ZNF257: variants seen among roughly 807,000 people sequenced by gnomAD.
ZNF257 encodes the protein zinc finger protein 257.
ZNF257 carries 12 observed loss-of-function variants against 11.9 expected under a neutral mutation model. The observed-to-expected ratio is 1.01, with a 90% CI of 0.65 to 1.63. The LOEUF (loss-of-function observed/expected upper bound fraction) is 1.63. Among genes scored for constraint, ZNF257 ranks in the 40% most tolerant of loss-of-function variants. ZNF257 has a pLI of 0.00. For synonymous variants in ZNF257, 183 were observed against 222.7 expected (o/e 0.82, Z 1.59); for missense variants, 580 against 665.5 (o/e 0.87, Z 1.41).
chr19:22,060,246 G>T (rs8108877), intron 1 of ZNF257, among the ~76,000 whole-genome samples: 3,656 of 152,214 alleles, frequency 0.024, 134 homozygotes, highest in African/African-American at 0.084. Context: ...TTTCACAATG[G>T]TTGAACTAAT....
chr19:22,059,998 G>A lies in ZNF257; in HGVS notation c.3+7363G>A, dbSNP rs578085763. On this transcript the variant is annotated intron_variant, in intron 1 of 3. Coordinates refer to ENST00000594947, the MANE Select transcript of ZNF257 (RefSeq NM_033468.4). ...ACCAGCTTTGGCCTCCCAAAGTGTT[G>A]GATTAGAGGCATGAGTCACCATACT... Among the ~76,000 whole-genome samples, 3 of 152,220 alleles carry A rather than the reference G, an allele frequency of 2.0e-5. No individual in the cohort carries two copies. The South Asian group carries it at 6.2e-4, about 32-fold the overall frequency.
chr19:22,076,259 C>CTA (rs946789819), intron 3 of ZNF257, among the ~76,000 whole-genome samples: 13 of 149,186 alleles, frequency 8.7e-5, no homozygotes, highest in African/African-American at 2.7e-4. Context: ...CCATATTCTG[C>CTA]TATATATATA....
chr19:22,065,768 A>G (rs1254821935), intron 1 of ZNF257: 4 of 152,172 alleles, frequency 2.6e-5, no homozygotes, highest in Non-Finnish European at 4.4e-5. Flanking sequence ...TTAGTTAACT[A>G]TGTTGCAAGC....
intron 3 of ZNF257, among the ~76,000 whole-genome samples, chr19:22,074,802 C>T (rs554842396): frequency 8.6e-5 from 13 of 151,404 alleles, no homozygotes; most frequent in South Asian, 8.3e-4. Context: ...GGTTTTAATG[C>T]GCTGCTTATG....
Position 22,052,509 on chromosome 19 carries a change from C to A in ZNF257, c.-124C>A. ...ACTTTGTCTCTCGCTCTAGCCCGAG[C>A]TGCAGGTCTCGTCTTCCCTGGTCTG... On this transcript the variant is annotated 5_prime_UTR_variant, in exon 1 of 4. The change creates a new upstream start codon in the 5' untranslated region. Transcript: ENST00000594947. 1 of 1,158,970 alleles carries A rather than the reference C, an allele frequency of 8.6e-7. No homozygotes were observed. Among genetic ancestry groups the A allele is most frequent in the Non-Finnish European group, 1.3e-6 (1 of 792,456 alleles). 71.8% of individuals were successfully genotyped at this position (1,158,970 alleles called of 1,614,324 possible).
chr19:22,052,499 C>T lies in ZNF257; in HGVS notation c.-134C>T. 9.4e-7 allele frequency: 1 copy of T among 1,066,994 alleles called. No homozygotes were observed. 66.1% of individuals were successfully genotyped at this position (1,066,994 alleles called of 1,614,324 possible). A position where few individuals can be genotyped will look rare whatever the true frequency, so the allele number is the denominator to read the frequency against. ...TTTGGCGGGTACTTTGTCTCTCGCT[C>T]TAGCCCGAGCTGCAGGTCTCGTCTT... On this transcript the variant is annotated 5_prime_UTR_variant, in exon 1 of 4. Coordinates refer to ENST00000594947, the MANE Select transcript of ZNF257 (RefSeq NM_033468.4).
intron 3 of ZNF257, among the ~76,000 whole-genome samples, chr19:22,085,735 A>G (rs2022463090): frequency 6.6e-6 from 1 of 151,914 alleles, no homozygotes; most frequent in African/African-American, 2.4e-5. Context: ...AGTATATACA[A>G]ATTTTTCATA....
In ZNF257 at chr19:22,067,885, C is replaced by CA. The variant is rs1568483263; in HGVS notation, c.4-4924_4-4923insA. On this transcript the variant is annotated intron_variant, in intron 1 of 3. Coordinates refer to ENST00000594947, the MANE Select transcript of ZNF257 (RefSeq NM_033468.4). The stretch of plus-strand genomic sequence containing the variant: ...TGAGAAACACAATTATGTCTCCCCC[C>CA]CGCTTGAGCTATGTATTCATCTCCT... 2.0e-5 allele frequency among the ~76,000 whole-genome samples: 3 copies of CA among 150,864 alleles called. No individual in the cohort carries two copies. The East Asian group carries it at 6.2e-4, about 31-fold the overall frequency.
chr19:22,056,945 A>G (rs924463387), intron 1 of ZNF257, among the ~76,000 whole-genome samples: 8 of 152,166 alleles, frequency 5.3e-5, no homozygotes, highest in Non-Finnish European at 1.0e-4. Context: ...TAGATAATTG[A>G]TGAGTTACAT....
intron 1 of ZNF257, chr19:22,060,486 CT>C (rs61396561): frequency 0.22 from 29,391 of 135,872 alleles, 3,624 homozygotes; most frequent in African/African-American, 0.35. Flanking sequence ...CCTACTTTTT[CT>C]TTTTTTTTTT....
chr19:22,058,410 A>T (rs1029790616), intron 1 of ZNF257, among the ~76,000 whole-genome samples: 6 of 151,922 alleles, frequency 3.9e-5, no homozygotes, highest in Non-Finnish European at 7.4e-5. Context: ...AGGTTATGGG[A>T]GTCCTTGATT....
chr19:22,072,716 C>G, intron 1 of ZNF257, 93 bp from the exon 2 acceptor site: 3 of 1,447,394 alleles, frequency 2.1e-6, no homozygotes, highest in Non-Finnish European at 2.8e-6. Flanking sequence ...AACCTGTTCT[C>G]TCTGCTCTTT....
In ZNF257 at chr19:22,088,296, T is replaced by C. The variant is rs1412303202; in HGVS notation, c.546T>C (p.Phe182=). 1 of 1,613,782 alleles carries C rather than the reference T, an allele frequency of 6.2e-7. No homozygotes were observed. Among genetic ancestry groups the C allele is most frequent in the Admixed American group, 1.7e-5 (1 of 59,992 alleles). Residue 182 remains phenylalanine (F), a synonymous_variant, in exon 4 of 4, where the codon TTT becomes TTC. Transcript: ENST00000594947. ...AATGTAAAGAATGTGGCAAATCATT[T>C]TGCATGCTTTCACAACTAACTCGAC... The part of the protein sequence containing the change: ...TCKCKECGKS[F]CMLSQLTRHK...
At chr19:22,055,582 A>C (rs1422424155) in intron 1 of ZNF257, among the ~76,000 whole-genome samples, 3 of 152,190 alleles carry the variant, frequency 2.0e-5, no homozygotes, top group Non-Finnish European at 4.4e-5. Flanking sequence ...AGCTTACAAA[A>C]TAAAATGATC....
intron 3 of ZNF257, among the ~76,000 whole-genome samples, chr19:22,076,889 C>T (rs368355954): frequency 1.8e-4 from 28 of 152,218 alleles, no homozygotes. Context: ...AGGGTTTCAC[C>T]GTGTTAGCCA....
At chr19:22,080,195 G>T (rs1187602518) in intron 3 of ZNF257, among the ~76,000 whole-genome samples, 1 of 151,970 alleles carries the variant, frequency 6.6e-6, no homozygotes, top group African/African-American at 2.4e-5. Flanking sequence ...GCCCAGCCTG[G>T]TCTCAAACTT....
At chr19:22,086,677 G>A (rs1413478638) in intron 3 of ZNF257, among the ~76,000 whole-genome samples, 1 of 151,672 alleles carries the variant, frequency 6.6e-6, no homozygotes, top group African/African-American at 2.4e-5. Flanking sequence ...TTGGTAGGAT[G>A]TTTTTGCTGA....
intron 1 of ZNF257, 122 bp from the exon 2 acceptor site, chr19:22,072,687 G>T: frequency 4.7e-6 from 5 of 1,064,628 alleles, no homozygotes; most frequent in South Asian, 1.7e-5. Flanking sequence ...GGATAATTTT[G>T]GTCACTCCAA....
chr19:22,077,857 G>C (rs1036632978), intron 3 of ZNF257, among the ~76,000 whole-genome samples: 1 of 151,816 alleles, frequency 6.6e-6, no homozygotes, highest in African/African-American at 2.4e-5. Flanking sequence ...TTAAAATAAT[G>C]GCTACGCTCC....
Sources: allele counts gnomAD v4.1 joint callset (sites outside exome capture counted in the v4.1 genomes callset), GRCh38; gene constraint gnomAD v4.1.1; transcripts MANE v1.5; gene names NCBI Gene and HGNC (gene_info 2026-07-23, HGNC 2026-07-21).